WWOX: variants seen among roughly 807,000 people sequenced by gnomAD.
WWOX encodes the protein WW domain-containing oxidoreductase.
In WWOX, 69 loss-of-function variants were observed where a neutral mutation model predicts 46.2. The ratio of observed to expected loss-of-function variants is 1.49; its 90% CI spans 1.23 to 1.82. WWOX has a LOEUF of 1.82. Ranked by LOEUF, WWOX falls within the 40% of genes most tolerant of loss-of-function variation. WWOX has a pLI of 0.00. For missense variants in WWOX, 919 were observed against 542.6 expected, an observed-to-expected ratio of 1.69 and a Z score of -6.89; for synonymous variants, 359 against 202.6, an observed-to-expected ratio of 1.77 and a Z score of -6.56.
At chr16:79,150,042 T>G (rs6564648) in intron 8 of WWOX, among the ~76,000 whole-genome samples, 22,362 of 152,184 alleles carry the variant, frequency 0.15, 2,457 homozygotes, top group African/African-American at 0.32. Context: ...TCTGGTCAAA[T>G]ACGTTCTTCT....
intron 8 of WWOX, among the ~76,000 whole-genome samples, chr16:79,059,785 C>G (rs1010562682): frequency 2.0e-5 from 3 of 152,204 alleles, no homozygotes; most frequent in Non-Finnish European, 4.4e-5. Context: ...AGTTGTTCTG[C>G]TAATTATCCT....
At chr16:79,014,678 C>T (rs933635176) in intron 8 of WWOX, among the ~76,000 whole-genome samples, 16 of 152,256 alleles carry the variant, frequency 1.1e-4, no homozygotes, top group African/African-American at 3.1e-4. Flanking sequence ...GGGGACATTT[C>T]GGCCCTGATT....
chr16:78,399,662 T>G (rs13332398), intron 6 of WWOX, among the ~76,000 whole-genome samples: 1 of 152,190 alleles, frequency 6.6e-6, no homozygotes, highest in African/African-American at 2.4e-5. Context: ...TCGATTTATA[T>G]AAGACTTGGA....
intron 8 of WWOX, among the ~76,000 whole-genome samples, chr16:78,909,984 A>G (rs2045066482): frequency 6.6e-6 from 1 of 152,210 alleles, no homozygotes; most frequent in Non-Finnish European, 1.5e-5. Context: ...TTCCACCTAT[A>G]TTTTGATTTA....
rs2051755438 is a variant in WWOX at position 79,211,644 on chromosome 16, G to A, written c.1093G>A (p.Val365Ile). 1 of 1,614,180 alleles carries A rather than the reference G, an allele frequency of 6.2e-7. No homozygotes were observed. Among genetic ancestry groups the A allele is most frequent in the Non-Finnish European group, 8.5e-7 (1 of 1,180,042 alleles). The change falls in exon 9 of 9, where the codon GTC becomes ATC. Residue 365 changes from valine to isoleucine, a missense_variant. Val to Ile is a conservative substitution (Grantham distance 29). Coordinates refer to ENST00000566780, the MANE Select transcript of WWOX (RefSeq NM_016373.4). ...TGCCACCACCGTGTACTGTGCTGCT[G>A]TCCCAGAACTGGAGGGTCTGGGAGG... The part of the protein sequence containing the change: ...GAATTVYCAA[V>I]PELEGLGGMY...
chr16:78,501,732 T>G (rs1404556169), intron 8 of WWOX, among the ~76,000 whole-genome samples: 3 of 152,146 alleles, frequency 2.0e-5, no homozygotes, highest in African/African-American at 7.2e-5. Flanking sequence ...AGACAGAGTT[T>G]CACCATGTTG....
intron 5 of WWOX, among the ~76,000 whole-genome samples, chr16:78,178,306 A>C (rs1223608056): frequency 6.6e-6 from 1 of 152,192 alleles, no homozygotes; most frequent in Non-Finnish European, 1.5e-5. Context: ...TGCTGTTTTC[A>C]TTCCCGCAAA....
chr16:78,560,046 G>A (rs2881283), intron 8 of WWOX, among the ~76,000 whole-genome samples: 1 of 152,124 alleles, frequency 6.6e-6, no homozygotes, highest in Non-Finnish European at 1.5e-5. Context: ...GTCTTTTTTA[G>A]TGTACTTTTG....
At position 78,378,729 on chromosome 16, in the gene WWOX, A is replaced by G. The variant is rs188265982; in HGVS notation, c.517-8131A>G. Among the ~76,000 whole-genome samples the G allele has an allele frequency of 3.3e-3, 498 of 152,346 alleles. 3 individuals are homozygous for G. Among genetic ancestry groups the G allele is most frequent in the Middle Eastern group, 0.01 (3 of 294 alleles). ...GGGTGAGAGACATCAGCATAATGCA[A>G]TTAAGGCCCATTGGATTAGAATTTG... is the stretch of plus-strand genomic sequence containing the variant. On this transcript the variant is annotated intron_variant, in intron 5 of 8. Coordinates refer to ENST00000566780, the MANE Select transcript of WWOX (RefSeq NM_016373.4).
chr16:78,427,292 C>T (rs2083103803), intron 7 of WWOX, among the ~76,000 whole-genome samples: 1 of 152,320 alleles, frequency 6.6e-6, no homozygotes, highest in East Asian at 1.9e-4. Flanking sequence ...TATTAGCCTT[C>T]CTGTGTCTTC....
intron 5 of WWOX, among the ~76,000 whole-genome samples, chr16:78,314,374 C>T (rs1299023010): frequency 1.4e-5 from 2 of 141,960 alleles, no homozygotes; most frequent in Non-Finnish European, 3.0e-5. Flanking sequence ...CCACTGCACT[C>T]CAGCCTGAGC....
At chr16:78,757,762 G>C (rs74033556) in intron 8 of WWOX, among the ~76,000 whole-genome samples, 27 of 150,800 alleles carry the variant, frequency 1.8e-4, no homozygotes, top group African/African-American at 6.6e-4. Flanking sequence ...TAATCTTTCT[G>C]ATTGACAGAT....
chr16:78,777,296 C>G (rs149302213), intron 8 of WWOX, among the ~76,000 whole-genome samples: 2 of 152,202 alleles, frequency 1.3e-5, no homozygotes, highest in African/African-American at 4.8e-5. Flanking sequence ...GGAATTTGTA[C>G]AAAGAAAGGG....
At chr16:78,559,850 AC>A (rs2044392001) in intron 8 of WWOX, among the ~76,000 whole-genome samples, 1 of 151,980 alleles carries the variant, frequency 6.6e-6, no homozygotes, top group African/African-American at 2.4e-5. Context: ...AACAGGCTCC[AC>A]CCTCCTTCCC....
At chr16:79,180,275 A>G (rs1170905981) in intron 8 of WWOX, among the ~76,000 whole-genome samples, 1 of 152,226 alleles carries the variant, frequency 6.6e-6, no homozygotes, top group Non-Finnish European at 1.5e-5. Flanking sequence ...TTTATTACAG[A>G]TAATTTGCTT....
At chr16:78,565,896 T>TC (rs2044552740) in intron 8 of WWOX, among the ~76,000 whole-genome samples, 1 of 145,736 alleles carries the variant, frequency 6.9e-6, no homozygotes, top group East Asian at 2.0e-4. Flanking sequence ...ACATTTTTCA[T>TC]CCCCCGCCCC....
chr16:78,839,721 G>A lies in WWOX; in HGVS notation c.1057-371887G>A, dbSNP rs368694425. Among the ~76,000 whole-genome samples, 5 of 152,264 alleles carry A rather than the reference G, an allele frequency of 3.3e-5. No homozygotes were observed. The East Asian group carries it at 7.7e-4, about 24-fold the overall frequency. On this transcript the variant is annotated intron_variant, in intron 8 of 8. Transcript: ENST00000566780. ...CTGATTTGGAAAATACATCCCTGGT[G>A]ATGTTCCTACCAAGTCACAGGCTTG...
intron 8 of WWOX, among the ~76,000 whole-genome samples, chr16:78,789,994 C>G (rs771928909): frequency 2.0e-5 from 3 of 152,162 alleles, no homozygotes; most frequent in African/African-American, 4.8e-5. Flanking sequence ...AAAATGCTAA[C>G]AATAGTTGTT....
intron 8 of WWOX, among the ~76,000 whole-genome samples, chr16:79,085,660 A>G (rs931365580): frequency 6.6e-6 from 1 of 152,210 alleles, no homozygotes; most frequent in Non-Finnish European, 1.5e-5. Flanking sequence ...CATCTTTATA[A>G]TAACTGTTAG....
Sources: gnomAD v4.1 joint callset for allele counts (sites outside exome capture counted in the v4.1 genomes callset) on GRCh38, gnomAD v4.1.1 for gene constraint, MANE v1.5 for transcripts, NCBI Gene and HGNC (gene_info 2026-07-23, HGNC 2026-07-21) for gene names.